The following DSCAML1 variants were observed in gnomAD, a reference collection of about 807,000 sequenced individuals.
The protein encoded by DSCAML1 is cell adhesion molecule DSCAML1.
Under a neutral mutation model 200.5 loss-of-function variants are expected in DSCAML1, and 38 were observed. That is an observed-to-expected ratio of 0.19 (90% confidence interval 0.15 to 0.25). The LOEUF (loss-of-function observed/expected upper bound fraction) is 0.25, where lower values mean the gene tolerates loss of function less well. Among genes scored for constraint, DSCAML1 ranks in the 10% least tolerant of loss-of-function variants. The probability of loss-of-function intolerance (pLI) is 1.00; values close to 1 mark genes in which losing one functional copy is unlikely to be tolerated. For synonymous variants in DSCAML1, 1,215 were observed against 1,165.0 expected (o/e 1.04, Z -0.87); for missense variants, 2,223 against 2,858.8 (o/e 0.78, Z 5.07).
intron 21 of DSCAML1, among the ~76,000 whole-genome samples, chr11:117,440,549 C>A (rs1343668441): frequency 6.6e-6 from 1 of 152,162 alleles, no homozygotes; most frequent in Non-Finnish European, 1.5e-5. Context: ...GAAGTAGAAT[C>A]TTGGGGGCTT....
At chr11:117,485,954 G>T (rs575074730) in intron 11 of DSCAML1, among the ~76,000 whole-genome samples, 1 of 152,272 alleles carries the variant, frequency 6.6e-6, no homozygotes, top group South Asian at 2.1e-4. Context: ...AGCGCTGGCC[G>T]GTCCTAGCTT....
intron 6 of DSCAML1, among the ~76,000 whole-genome samples, chr11:117,519,932 C>T (rs1417821473): frequency 1.3e-5 from 2 of 152,254 alleles, no homozygotes; most frequent in African/African-American, 2.4e-5. Flanking sequence ...TGCAGACCCA[C>T]AGGCTGTGAC....
intron 3 of DSCAML1, among the ~76,000 whole-genome samples, chr11:117,578,232 T>G (rs1191945415): frequency 1.4e-5 from 1 of 71,422 alleles, no homozygotes; most frequent in Admixed American, 1.6e-4. Context: ...CGAAACTCTG[T>G]CTCGAAAAAA....
At chr11:117,740,162 G>A (rs1340158502) in intron 3 of DSCAML1, among the ~76,000 whole-genome samples, 1 of 152,138 alleles carries the variant, frequency 6.6e-6, no homozygotes, top group Non-Finnish European at 1.5e-5. Flanking sequence ...CAGGAAGGGA[G>A]GACCAGGGCC....
At chr11:117,596,901 A>C (rs1159686590) in intron 3 of DSCAML1, among the ~76,000 whole-genome samples, 1 of 152,224 alleles carries the variant, frequency 6.6e-6, no homozygotes, top group African/African-American at 2.4e-5. Context: ...CCTAGTAGCT[A>C]GCTTTGGGAT....
intron 3 of DSCAML1, among the ~76,000 whole-genome samples, chr11:117,649,783 A>G (rs544573016): frequency 7.2e-5 from 11 of 152,320 alleles, no homozygotes; most frequent in Middle Eastern, 3.4e-3. Flanking sequence ...TTCTGGACCT[A>G]TCCGTAGGTT....
At position 117,438,976 on chromosome 11, in the gene DSCAML1, C is replaced by T. The variant is rs141694444; in HGVS notation, c.4152G>A (p.Pro1384=). The T allele has an allele frequency of 2.2e-5, 35 of 1,603,648 alleles. No homozygotes were observed. In the Middle Eastern group the frequency reaches 5.0e-4, roughly 23 times the overall value. The change falls in exon 24 of 33, where the codon CCG becomes CCA. Residue 1384 remains proline (P), a synonymous_variant. Transcript: ENST00000651296. Reference sequence around the variant, plus strand: ...TGGAGACAGTGAGGCGGGGCTGGTCCGGGGGAACTGTGAGGGGAAAGCCAC... The same window carrying T: ...TGGAGACAGTGAGGCGGGGCTGGTCTGGGGGAACTGTGAGGGGAAAGCCAC... The part of the protein sequence containing the change: ...IIVNLLVQVP[P]DQPRLTVSKT...
chr11:117,665,194 T>G (rs899127976), intron 3 of DSCAML1, among the ~76,000 whole-genome samples: 1 of 152,208 alleles, frequency 6.6e-6, no homozygotes, highest in African/African-American at 2.4e-5. Context: ...GTGGGCCCAG[T>G]CTCCCTGACC....
At chr11:117,543,587 T>C (rs1213152068) in intron 3 of DSCAML1, among the ~76,000 whole-genome samples, 1 of 151,998 alleles carries the variant, frequency 6.6e-6, no homozygotes. Context: ...CAATGGGTAC[T>C]ATACAGAGCT....
chr11:117,648,003 A>G (rs1323393518), intron 3 of DSCAML1, among the ~76,000 whole-genome samples: 1 of 152,098 alleles, frequency 6.6e-6, no homozygotes, highest in African/African-American at 2.4e-5. Context: ...CACAACAGAC[A>G]CCCAGCTCAG....
chr11:117,505,486 G>A lies in DSCAML1; in HGVS notation c.2030C>T (p.Thr677Ile), dbSNP rs776556033. Reference sequence around the variant, plus strand: ...GATGAGCTGGCGCTCCCGGCTCACGGTGGCGGCTGCGTTGCTGGCGATGCA... The same window carrying A: ...GATGAGCTGGCGCTCCCGGCTCACGATGGCGGCTGCGTTGCTGGCGATGCA... Reference protein sequence around the residue: ...YTCIASNAAATVSRERQLIVR... With the variant: ...YTCIASNAAAIVSRERQLIVR... Residue 677 changes from threonine to isoleucine, a missense_variant, in exon 9 of 33, where the codon ACC (threonine) becomes ATC (isoleucine). By Grantham distance (89) the Thr-to-Ile change is moderately conservative (BLOSUM62 -1). Around this residue, in one of 7 missense-constraint regions of DSCAML1, gnomAD observed 212 missense variants for 368.0 expected, o/e 0.58. Coordinates refer to ENST00000651296, the MANE Select transcript of DSCAML1 (RefSeq NM_020693.4). The surrounding 1 kb of genome is among the most constrained non-coding windows in gnomAD (Gnocchi z 6.7). 2 of 1,612,314 alleles carry A rather than the reference G, an allele frequency of 1.2e-6. No individual in the cohort carries two copies. The highest frequency in any genetic ancestry group is 1.7e-6 in the Non-Finnish European group (2 of 1,180,006).
intron 20 of DSCAML1, among the ~76,000 whole-genome samples, chr11:117,448,634 T>TGG (rs1288916224): frequency 4.6e-5 from 3 of 65,138 alleles, no homozygotes; most frequent in African/African-American, 2.0e-4. Context: ...TGTGTGTGTG[T>TGG]GTGTGGGGGG....
chr11:117,493,746 GCCT>G (rs893586878), intron 11 of DSCAML1, among the ~76,000 whole-genome samples: 2 of 152,104 alleles, frequency 1.3e-5, no homozygotes, highest in African/African-American at 4.8e-5. Context: ...TCCTGCCTCA[GCCT>G]CCTCAGTAGC....
intron 3 of DSCAML1, among the ~76,000 whole-genome samples, chr11:117,613,888 C>T (rs1343722827): frequency 6.6e-6 from 1 of 152,154 alleles, no homozygotes; most frequent in African/African-American, 2.4e-5. Flanking sequence ...GCCACCCCTC[C>T]CCTTGCCTAA....
chr11:117,663,983 G>A (rs904575372), intron 3 of DSCAML1, among the ~76,000 whole-genome samples: 4 of 152,234 alleles, frequency 2.6e-5, no homozygotes, highest in African/African-American at 9.6e-5. Context: ...CTGCAAGGCT[G>A]TATTGCTCAG....
chr11:117,753,875 G>C (rs1450197503), intron 3 of DSCAML1, among the ~76,000 whole-genome samples: 1 of 152,184 alleles, frequency 6.6e-6, no homozygotes, highest in Non-Finnish European at 1.5e-5. Context: ...CTCTGGACTA[G>C]GTTGTCACTA....
intron 3 of DSCAML1, among the ~76,000 whole-genome samples, chr11:117,683,044 C>CCATT (rs555590897): frequency 1.8e-4 from 27 of 152,330 alleles, no homozygotes; most frequent in South Asian, 1.2e-3. Context: ...ACTCATTCAT[C>CCATT]CATTCATTCA....
intron 3 of DSCAML1, among the ~76,000 whole-genome samples, chr11:117,566,717 A>C: frequency 6.9e-6 from 1 of 144,122 alleles, no homozygotes; most frequent in African/African-American, 2.5e-5. Context: ...TCCCAATGCT[A>C]TCCCTCCCCA....
intron 3 of DSCAML1, among the ~76,000 whole-genome samples, chr11:117,761,453 C>T (rs2054800946): frequency 6.6e-6 from 1 of 152,202 alleles, no homozygotes. Context: ...ATGTGATGGC[C>T]TAGAGACAGA....
Sources: allele counts gnomAD v4.1 joint callset (sites outside exome capture counted in the v4.1 genomes callset), GRCh38; gene constraint gnomAD v4.1.1; regional missense constraint gnomAD v4.1.1; non-coding constraint Gnocchi (gnomAD v3.1); transcripts MANE v1.5; gene names NCBI Gene and HGNC (gene_info 2026-07-23, HGNC 2026-07-21).